The following NAA50 variants were observed in gnomAD, a reference collection of about 807,000 sequenced individuals.
NAA50 encodes the protein N-alpha-acetyltransferase 50.
A neutral mutation model predicts 20.7 loss-of-function variants in NAA50; 7 were observed. The observed-to-expected ratio is 0.34, with a 90% CI of 0.19 to 0.63. The LOEUF (loss-of-function observed/expected upper bound fraction) is 0.63, where lower values mean the gene tolerates loss of function less well. NAA50 is among the 30% of genes least tolerant of loss of function. NAA50 has a pLI of 0.75. For synonymous variants in NAA50, 54 were observed against 70.6 expected (o/e 0.77, Z 1.18); for missense variants, 111 against 199.1 (o/e 0.56, Z 2.66).
chr3:113,732,467 C>G (rs944405297), intron 1 of NAA50, among the ~76,000 whole-genome samples: 1 of 152,146 alleles, frequency 6.6e-6, no homozygotes, highest in Non-Finnish European at 1.5e-5. Flanking sequence ...CAAACTTATT[C>G]TCTTATAGTA....
chr3:113,729,443 G>A (rs922636284), intron 1 of NAA50, among the ~76,000 whole-genome samples: 4 of 152,140 alleles, frequency 2.6e-5, no homozygotes, highest in Non-Finnish European at 4.4e-5. Flanking sequence ...TAGGACTACT[G>A]TTGATAATTT....
At chr3:113,726,506 G>T (rs1325826052) in intron 1 of NAA50, among the ~76,000 whole-genome samples, 2 of 151,344 alleles carry the variant, frequency 1.3e-5, no homozygotes, top group Non-Finnish European at 2.9e-5. Flanking sequence ...AAAAAATTGG[G>T]AGGCCAAGGT....
chr3:113,742,613 T>A (rs899801247), intron 1 of NAA50, among the ~76,000 whole-genome samples: 1 of 152,118 alleles, frequency 6.6e-6, no homozygotes, highest in African/African-American at 2.4e-5. Flanking sequence ...CCCTTCCCAG[T>A]CCATATGCTG....
intron 1 of NAA50, among the ~76,000 whole-genome samples, chr3:113,731,925 T>C (rs761167961): frequency 4.6e-5 from 7 of 152,216 alleles, no homozygotes; most frequent in Admixed American, 2.0e-4. Context: ...GCTATGAATA[T>C]TGCATAAAAG....
chr3:113,732,105 G>T (rs1470732922), intron 1 of NAA50, among the ~76,000 whole-genome samples: 1 of 152,166 alleles, frequency 6.6e-6, no homozygotes, highest in African/African-American at 2.4e-5. Flanking sequence ...CAGGAATCTT[G>T]AATATCTTAC....
At chr3:113,729,709 T>TTTTTG (rs1264237190) in intron 1 of NAA50, among the ~76,000 whole-genome samples, 4 of 151,730 alleles carry the variant, frequency 2.6e-5, no homozygotes, top group Non-Finnish European at 5.9e-5. Flanking sequence ...CTTTCAGCTA[T>TTTTTG]TTTTGTTTTG....
chr3:113,731,493 A>G (rs556324912), intron 1 of NAA50, among the ~76,000 whole-genome samples: 1 of 149,344 alleles, frequency 6.7e-6, no homozygotes, highest in Non-Finnish European at 1.5e-5. Flanking sequence ...TAATTTATAT[A>G]CCATAAAAGC....
chr3:113,740,866 C>A, intron 1 of NAA50: 1 of 309,560 alleles, frequency 3.2e-6, no homozygotes, highest in South Asian at 3.8e-5. Flanking sequence ...TAATGGCTTC[C>A]CCACATAGGC....
chr3:113,729,813 C>A (rs1708248899), intron 1 of NAA50, among the ~76,000 whole-genome samples: 1 of 152,158 alleles, frequency 6.6e-6, no homozygotes, highest in South Asian at 2.1e-4. Context: ...CTGCCTCAGC[C>A]TCCCAAAGTG....
At chr3:113,739,450 T>A (rs1339653804) in intron 1 of NAA50, 1 of 152,164 alleles carries the variant, frequency 6.6e-6, no homozygotes, top group East Asian at 1.9e-4. Flanking sequence ...AATTCATTCT[T>A]AGGAAATTAT....
chr3:113,735,124 G>C (rs958393219), intron 1 of NAA50, among the ~76,000 whole-genome samples: 1 of 152,058 alleles, frequency 6.6e-6, no homozygotes, highest in Non-Finnish European at 1.5e-5. Flanking sequence ...GTAGTAAGAA[G>C]GTCAAAGAAA....
At chr3:113,724,359 G>A (rs548228262) in intron 1 of NAA50, among the ~76,000 whole-genome samples, 77 of 152,334 alleles carry the variant, frequency 5.1e-4, no homozygotes, top group African/African-American at 1.5e-3. Flanking sequence ...CATTCTGCAA[G>A]TGTCAAAATT....
In NAA50 at chr3:113,716,837, C is replaced by T. The variant is rs1470943555; in HGVS notation, c.*4923G>A. Reference sequence around the variant, plus strand: ...CAAAATAGTTCAGCCAATAGAGTAACTTCCCAAATGCTGGATTTAAGCTTT... The same window carrying T: ...CAAAATAGTTCAGCCAATAGAGTAATTTCCCAAATGCTGGATTTAAGCTTT... On this transcript the variant is annotated 3_prime_UTR_variant, in exon 5 of 5. Coordinates refer to ENST00000240922, the MANE Select transcript of NAA50 (RefSeq NM_025146.4). 6.6e-6 allele frequency: 1 copy of T among 152,316 alleles called. No individual in the cohort carries two copies. Among genetic ancestry groups the T allele is most frequent in the African/African-American group, 2.4e-5 (1 of 41,568 alleles). 9.4% of individuals were successfully genotyped at this position (152,316 alleles called of 1,614,324 possible).
rs1345620245 is a variant in NAA50, at chr3:113,745,960, T to G, written c.-11A>C. 1.9e-6 allele frequency: 3 copies of G among 1,606,416 alleles called. No individual in the cohort carries two copies. Among genetic ancestry groups the G allele is most frequent in the South Asian group, 2.2e-5 (2 of 90,798 alleles). Reference sequence around the variant, plus strand: ...TCCTCACCCTTTCATCTTCCCCGCCTGCTGAGGCCGTCGTTACCACCGATA... The same window carrying G: ...TCCTCACCCTTTCATCTTCCCCGCCGGCTGAGGCCGTCGTTACCACCGATA... On this transcript the variant is annotated 5_prime_UTR_variant, in exon 1 of 5. Coordinates refer to ENST00000240922, the MANE Select transcript of NAA50 (RefSeq NM_025146.4).
intron 1 of NAA50, among the ~76,000 whole-genome samples, chr3:113,730,743 C>T (rs1453759467): frequency 6.6e-6 from 1 of 152,134 alleles, no homozygotes; most frequent in East Asian, 1.9e-4. Flanking sequence ...TGAGACTCAC[C>T]CCGGTGTTGT....
Position 113,743,721 on chromosome 3 carries a change from TAAG to T in NAA50, c.8+2218_8+2220del, listed in dbSNP as rs1708451455. On this transcript the variant is annotated intron_variant, in intron 1 of 4. Transcript: ENST00000240922. ...GAACACAATTCTAAGCTCCCAATCA[TAAG>T]AAGTAATAGGAACTTCACTGGCATA... Among the ~76,000 whole-genome samples, 8 of 152,328 alleles carry T rather than the reference TAAG, an allele frequency of 5.3e-5. No individual in the cohort carries two copies. The South Asian group carries it at 1.7e-3, about 32-fold the overall frequency.
intron 1 of NAA50, among the ~76,000 whole-genome samples, chr3:113,726,955 C>T (rs78769049): frequency 0.11 from 16,775 of 152,162 alleles, 1,176 homozygotes; most frequent in East Asian, 0.29. Flanking sequence ...CCACGCCCAG[C>T]TGATTTTTGA....
intron 1 of NAA50, among the ~76,000 whole-genome samples, chr3:113,724,944 C>T (rs576860575): frequency 1.3e-5 from 2 of 152,264 alleles, no homozygotes; most frequent in Admixed American, 1.3e-4. Flanking sequence ...TTCCTGAGAC[C>T]TCCCTATCCC....
intron 4 of NAA50, among the ~76,000 whole-genome samples, chr3:113,722,566 A>G (rs1708148477): frequency 6.6e-6 from 1 of 152,136 alleles, no homozygotes; most frequent in Non-Finnish European, 1.5e-5. Context: ...CAAAGCTATC[A>G]ACATAGCCTT....
Sources: gnomAD v4.1 joint callset for allele counts (sites outside exome capture counted in the v4.1 genomes callset) on GRCh38, gnomAD v4.1.1 for gene constraint, MANE v1.5 for transcripts, NCBI Gene and HGNC (gene_info 2026-07-23, HGNC 2026-07-21) for gene names.